The following ALK variants were observed in gnomAD, a reference collection of about 807,000 sequenced individuals.
ALK encodes ALK receptor tyrosine kinase.
ALK carries 74 observed loss-of-function variants against 163.1 expected under a neutral mutation model. The ratio of observed to expected loss-of-function variants is 0.45; its 90% CI spans 0.38 to 0.55. ALK has a LOEUF of 0.55. ALK is among the 20% of genes least tolerant of loss of function. The pLI, the probability that ALK is intolerant of heterozygous loss-of-function variation, is 0.00. For missense variants in ALK, 2,063 were observed against 2,105.3 expected, an observed-to-expected ratio of 0.98 and a Z score of 0.39; for synonymous variants, 960 against 843.2, an observed-to-expected ratio of 1.14 and a Z score of -2.40.
At chr2:29,554,999 T>C (rs1015431455) in intron 3 of ALK, among the ~76,000 whole-genome samples, 2 of 152,262 alleles carry the variant, frequency 1.3e-5, no homozygotes, top group Middle Eastern at 3.4e-3. Context: ...GCATGAATAA[T>C]CTACCCCTTG....
intron 3 of ALK, among the ~76,000 whole-genome samples, chr2:29,563,762 T>C (rs936304430): frequency 5.9e-5 from 9 of 152,234 alleles, no homozygotes; most frequent in African/African-American, 1.7e-4. Flanking sequence ...GTTAAGTTTA[T>C]AGTTTAACTC....
intron 1 of ALK, among the ~76,000 whole-genome samples, chr2:29,882,828 A>G (rs1666900041): frequency 6.6e-6 from 1 of 152,222 alleles, no homozygotes; most frequent in South Asian, 2.1e-4. Context: ...TTTCAGATAA[A>G]CAACAAATAC....
At chr2:29,417,337 A>C (rs1312003162) in intron 4 of ALK, among the ~76,000 whole-genome samples, 2 of 152,156 alleles carry the variant, frequency 1.3e-5, no homozygotes, top group Non-Finnish European at 2.9e-5. Flanking sequence ...TTGCTTTGCT[A>C]ATCAACTTTT....
chr2:29,634,350 C>T (rs1676464608), intron 3 of ALK, among the ~76,000 whole-genome samples: 1 of 152,216 alleles, frequency 6.6e-6, no homozygotes, highest in South Asian at 2.1e-4. Context: ...ATCAATATCC[C>T]TACTGAATAT....
intron 1 of ALK, among the ~76,000 whole-genome samples, chr2:29,776,298 T>C (rs1681175498): frequency 6.6e-6 from 1 of 150,774 alleles, no homozygotes; most frequent in African/African-American, 2.4e-5. Flanking sequence ...ACTGGCTATT[T>C]AGGCATAAGA....
chr2:29,361,432 A>G (rs1339434775), intron 5 of ALK, among the ~76,000 whole-genome samples: 2 of 152,218 alleles, frequency 1.3e-5, no homozygotes, highest in African/African-American at 4.8e-5. Flanking sequence ...ATTTCTCAGC[A>G]GGAAGAATGA....
At chr2:29,751,232 T>C (rs1480439464) in intron 1 of ALK, among the ~76,000 whole-genome samples, 1 of 143,454 alleles carries the variant, frequency 7.0e-6, no homozygotes, top group Non-Finnish European at 1.6e-5. Context: ...TGAGTGAGGG[T>C]GGCCTAGGAC....
chr2:29,639,429 C>T (rs1255607032), intron 3 of ALK, among the ~76,000 whole-genome samples: 2 of 152,202 alleles, frequency 1.3e-5, no homozygotes, highest in African/African-American at 4.8e-5. Context: ...CGGAATGTAT[C>T]TCAGAACCTC....
chr2:29,854,037 G>A (rs1666076848), intron 1 of ALK, among the ~76,000 whole-genome samples: 1 of 151,712 alleles, frequency 6.6e-6, no homozygotes, highest in African/African-American at 2.4e-5. Flanking sequence ...AGCCTCCCGA[G>A]TAGCTGGGAT....
chr2:29,452,332 GTTT>G (rs66533654), intron 4 of ALK, among the ~76,000 whole-genome samples: 11,574 of 146,232 alleles, frequency 0.079, 573 homozygotes, highest in Non-Finnish European at 0.11. Flanking sequence ...AGTTTTTTTT[GTTT>G]TTTTTTTTTT....
chr2:29,717,416 G>A (rs1679292622), intron 2 of ALK, among the ~76,000 whole-genome samples, 162 bp downstream of exon 2: 2 of 152,120 alleles, frequency 1.3e-5, no homozygotes, highest in South Asian at 4.2e-4. Context: ...GGTCCACGGG[G>A]TTGAGCGTCA....
chr2:29,449,593 T>C (rs1670771943), intron 4 of ALK, among the ~76,000 whole-genome samples: 1 of 152,136 alleles, frequency 6.6e-6, no homozygotes, highest in Admixed American at 6.5e-5. Context: ...GGCATGCAAC[T>C]TGGAACAGGA....
rs1666586480 is a variant in ALK at position 29,871,880 on chromosome 2, A to C, written c.667+48113T>G. Among the ~76,000 whole-genome samples the C allele has an allele frequency of 2.0e-5, 3 of 152,216 alleles. No homozygotes were observed. The South Asian group carries it at 6.2e-4, about 32-fold the overall frequency. On this transcript the variant is annotated intron_variant, in intron 1 of 28. Transcript: ENST00000389048. ...AAGAAGCAATCACAAATTGAGGGCA[A>C]TTATATTACCTGCCCGATCAGGTGA... is the stretch of plus-strand genomic sequence containing the variant.
At chr2:29,505,627 A>G (rs527956760) in intron 4 of ALK, among the ~76,000 whole-genome samples, 1 of 152,192 alleles carries the variant, frequency 6.6e-6, no homozygotes, top group South Asian at 2.1e-4. Context: ...TGGTTGTCCC[A>G]GGCCCTGTTT....
At chr2:29,853,874 C>T (rs1339231811) in intron 1 of ALK, among the ~76,000 whole-genome samples, 17 of 151,428 alleles carry the variant, frequency 1.1e-4, no homozygotes, top group Admixed American at 1.1e-3. Context: ...TTGGGATTTA[C>T]TGTTCCCTCT....
At chr2:29,914,389 T>C (rs183550304) in intron 1 of ALK, among the ~76,000 whole-genome samples, 220 of 152,264 alleles carry the variant, frequency 1.4e-3, no homozygotes, top group African/African-American at 4.8e-3. Context: ...CACATAGAGA[T>C]TACAACTCCA....
intron 23 of ALK, among the ~76,000 whole-genome samples, chr2:29,217,256 G>A (rs967714383): frequency 1.3e-5 from 2 of 148,998 alleles, no homozygotes; most frequent in African/African-American, 5.1e-5. Context: ...TGATGTACGT[G>A]TGTGGTGTGT....
At chr2:29,537,000 T>G (rs1673275168) in intron 3 of ALK, among the ~76,000 whole-genome samples, 2 of 152,234 alleles carry the variant, frequency 1.3e-5, no homozygotes, top group Admixed American at 1.3e-4. Flanking sequence ...TCTAACAGTC[T>G]ATGATCAGAT....
chr2:29,852,785 C>T (rs1479924356), intron 1 of ALK, among the ~76,000 whole-genome samples: 1 of 151,958 alleles, frequency 6.6e-6, no homozygotes, highest in Non-Finnish European at 1.5e-5. Flanking sequence ...GTGGAGCCCT[C>T]ATGAATGGGA....
Sources: allele counts gnomAD v4.1 joint callset (sites outside exome capture counted in the v4.1 genomes callset), GRCh38; gene constraint gnomAD v4.1.1; transcripts MANE v1.5; gene names NCBI Gene and HGNC (gene_info 2026-07-23, HGNC 2026-07-21).